Variants in CYP7B1 observed in about 807,000 individuals in gnomAD.
CYP7B1 encodes the protein cytochrome P450 7B1.
CYP7B1 carries 29 observed loss-of-function variants against 42.7 expected under a neutral mutation model. The ratio of observed to expected loss-of-function variants is 0.68; its 90% CI spans 0.51 to 0.93. The LOEUF (loss-of-function observed/expected upper bound fraction) is 0.93. Among genes scored for constraint, CYP7B1 ranks in the 40% least tolerant of loss-of-function variants. The pLI, the probability that CYP7B1 is intolerant of heterozygous loss-of-function variation, is 0.00. For missense variants in CYP7B1, 655 were observed against 600.5 expected (o/e 1.09, Z -0.95); for synonymous variants, 235 against 218.2 (o/e 1.08, Z -0.68).
At chr8:64,636,946 G>A (rs566346384) in intron 1 of CYP7B1, among the ~76,000 whole-genome samples, 6 of 152,260 alleles carry the variant, frequency 3.9e-5, no homozygotes, top group African/African-American at 9.6e-5. Flanking sequence ...GATTTGATTG[G>A]ACTCCATGGA....
At chr8:64,777,789 T>C (rs1472511393) in intron 1 of CYP7B1, among the ~76,000 whole-genome samples, 1 of 151,856 alleles carries the variant, frequency 6.6e-6, no homozygotes, top group Admixed American at 6.6e-5. Context: ...CCAAATTGTA[T>C]GGTAACTCTA....
At chr8:64,674,771 AT>A (rs751719390) in intron 1 of CYP7B1, among the ~76,000 whole-genome samples, 22 of 152,300 alleles carry the variant, frequency 1.4e-4, no homozygotes, top group African/African-American at 5.3e-4. Flanking sequence ...TAATAAAAAA[AT>A]AAAACAATAC....
rs1806182274 is a variant in CYP7B1 at position 64,660,276 on chromosome 8, G to T, written c.123-35737C>A. On this transcript the variant is annotated intron_variant, in intron 1 of 5. Coordinates refer to ENST00000310193, the MANE Select transcript of CYP7B1 (RefSeq NM_004820.5). ...CCAGGATCCATAATCTTAGCCTTTT[G>T]TATTTGTTATCATTATTGTGTAACA... Among the ~76,000 whole-genome samples, 2 of 152,092 alleles carry T rather than the reference G, an allele frequency of 1.3e-5. 1 individual carries two copies. The highest frequency in any genetic ancestry group is 2.9e-5 in the Non-Finnish European group (2 of 68,014).
chr8:64,677,320 T>C (rs1449015390), intron 1 of CYP7B1, among the ~76,000 whole-genome samples: 3 of 151,442 alleles, frequency 2.0e-5, no homozygotes, highest in Non-Finnish European at 2.9e-5. Flanking sequence ...ACCAAAATGA[T>C]GTGCTGGAAT....
At chr8:64,667,725 C>T (rs1301523600) in intron 1 of CYP7B1, among the ~76,000 whole-genome samples, 1 of 152,114 alleles carries the variant, frequency 6.6e-6, no homozygotes, top group Non-Finnish European at 1.5e-5. Context: ...TGCAAAATAT[C>T]TGTGATGGGA....
chr8:64,766,479 A>T (rs1449175917), intron 1 of CYP7B1, among the ~76,000 whole-genome samples: 1 of 151,852 alleles, frequency 6.6e-6, no homozygotes, highest in Admixed American at 6.6e-5. Flanking sequence ...TTTATAATAG[A>T]GATCAGGAGG....
intron 1 of CYP7B1, among the ~76,000 whole-genome samples, chr8:64,731,319 G>C (rs1807405485): frequency 6.6e-6 from 1 of 152,146 alleles, no homozygotes; most frequent in Admixed American, 6.6e-5. Context: ...TGGAGAACTT[G>C]TTGGGAACTG....
rs985219924 is a variant in CYP7B1, at chr8:64,592,665, A to C, written c.*3977T>G. ...ATTTTTTAAAGGCACAACACTGTTG[A>C]AGTATCTTCATTAAACTTTGCATTG... On this transcript the variant is annotated 3_prime_UTR_variant, in exon 6 of 6. Transcript: ENST00000310193. Among the ~76,000 whole-genome samples the C allele has an allele frequency of 1.3e-5, 2 of 152,242 alleles. No homozygotes were observed. The highest frequency in any genetic ancestry group is 2.9e-5 in the Non-Finnish European group (2 of 68,030).
intron 1 of CYP7B1, among the ~76,000 whole-genome samples, chr8:64,682,135 A>C (rs1393246508): frequency 6.6e-6 from 1 of 152,228 alleles, no homozygotes; most frequent in African/African-American, 2.4e-5. Flanking sequence ...ATGATAGGCC[A>C]GACAGATGGG....
intron 1 of CYP7B1, among the ~76,000 whole-genome samples, chr8:64,789,603 TG>T (rs1804585837): frequency 6.6e-6 from 1 of 152,204 alleles, no homozygotes; most frequent in Admixed American, 6.5e-5. Flanking sequence ...TGACAATATC[TG>T]AGGACATTCA....
rs1805089875 is a variant in CYP7B1, at chr8:64,594,589, C to G, written c.*2053G>C. Among the ~76,000 whole-genome samples the G allele has an allele frequency of 6.6e-6, 1 of 152,014 alleles. No individual in the cohort carries two copies. ...AATAAGTAAATAAAGCCAGAGGGAC[C>G]TTATTAGAACCAATTATAATTGTGT... On this transcript the variant is annotated 3_prime_UTR_variant, in exon 6 of 6. Transcript: ENST00000310193.
chr8:64,628,600 A>G (rs1032718828), intron 1 of CYP7B1, among the ~76,000 whole-genome samples: 6 of 152,160 alleles, frequency 3.9e-5, no homozygotes, highest in Admixed American at 3.9e-4. Context: ...GTGAGCCAAG[A>G]TCGCACCACT....
chr8:64,656,238 A>G (rs1329338095), intron 1 of CYP7B1, among the ~76,000 whole-genome samples: 6 of 152,236 alleles, frequency 3.9e-5, no homozygotes, highest in African/African-American at 1.4e-4. Context: ...AAACAAACAA[A>G]AAACAGAAAA....
At position 64,666,897 on chromosome 8, in the gene CYP7B1, A is replaced by G. The variant is rs1322675230; in HGVS notation, c.123-42358T>C. 2.0e-5 allele frequency among the ~76,000 whole-genome samples: 3 copies of G among 152,206 alleles called. No individual in the cohort carries two copies. The East Asian group carries it at 5.8e-4, about 29-fold the overall frequency. ...TTTAACCTGAGAGTTTCATGTGAAA[A>G]TGTACCTACCCTACAATGTTAATTT... On this transcript the variant is annotated intron_variant, in intron 1 of 5. Coordinates refer to ENST00000310193, the MANE Select transcript of CYP7B1 (RefSeq NM_004820.5).
intron 1 of CYP7B1, among the ~76,000 whole-genome samples, chr8:64,774,972 T>G (rs370059958): frequency 6.6e-6 from 1 of 152,152 alleles, no homozygotes; most frequent in Non-Finnish European, 1.5e-5. Flanking sequence ...CCTGACACAT[T>G]CCAAACAAGT....
intron 1 of CYP7B1, among the ~76,000 whole-genome samples, chr8:64,714,023 T>C (rs1807118837): frequency 6.6e-6 from 1 of 152,222 alleles, no homozygotes; most frequent in African/African-American, 2.4e-5. Flanking sequence ...ATCTCTGTTT[T>C]ATAGATCAGG....
intron 1 of CYP7B1, among the ~76,000 whole-genome samples, chr8:64,796,499 T>C (rs540953727): frequency 5.3e-5 from 8 of 152,308 alleles, no homozygotes; most frequent in African/African-American, 1.7e-4. Context: ...TGTGGAGAAA[T>C]TGGCACTTGC....
rs549053948 is a variant in CYP7B1, at chr8:64,646,827, A to C, written c.123-22288T>G. 3.7e-4 allele frequency among the ~76,000 whole-genome samples: 56 copies of C among 152,356 alleles called. 3 individuals are homozygous for C. In the South Asian group the frequency reaches 0.011, roughly 30 times the overall value. On this transcript the variant is annotated intron_variant, in intron 1 of 5. Transcript: ENST00000310193. ...GGTTTGATCTTTTATTCAGACGGCTAAAACTTTTTCTCTATCAGCAACAAG... is the reference window on the plus strand; with the variant it reads ...GGTTTGATCTTTTATTCAGACGGCTCAAACTTTTTCTCTATCAGCAACAAG...
In CYP7B1 at chr8:64,604,709, A is replaced by G. The variant is rs1805250783; in HGVS notation, c.1206T>C (p.Gly402=). The G allele has an allele frequency of 6.2e-7, 1 of 1,614,180 alleles. No homozygotes were observed. The highest frequency in any genetic ancestry group is 1.7e-5 in the Admixed American group (1 of 60,022). Residue 402 remains glycine (G), a synonymous_variant, in exon 5 of 6, where the codon GGT becomes GGC. Coordinates refer to ENST00000310193, the MANE Select transcript of CYP7B1 (RefSeq NM_004820.5). ...CTGGAGCTTCAAAGATTTCAGGGTC[A>G]CCATGTAGGACTGGAGGAAAGATGG... The part of the protein sequence containing the change: ...LVAIFPPVLH[G]DPEIFEAPEE...
Sources: allele counts gnomAD v4.1 joint callset (sites outside exome capture counted in the v4.1 genomes callset), GRCh38; gene constraint gnomAD v4.1.1; transcripts MANE v1.5; gene names NCBI Gene and HGNC (gene_info 2026-07-23, HGNC 2026-07-21).